The following TSC22D1 variants were observed in gnomAD, a reference collection of about 807,000 sequenced individuals.
The protein encoded by TSC22D1 is TSC22 domain family member 1, also known as TSC22 domain family protein 1.
A neutral mutation model predicts 74.2 loss-of-function variants in TSC22D1; 9 were observed. That is an observed-to-expected ratio of 0.12 (90% CI 0.07 to 0.21). TSC22D1 has a LOEUF of 0.21. Among genes scored for constraint, TSC22D1 ranks in the 10% least tolerant of loss-of-function variants. TSC22D1 has a pLI of 1.00. For missense variants in TSC22D1, 1,427 were observed against 1,304.7 expected (o/e 1.09, Z -1.44); for synonymous variants, 586 against 492.5 (o/e 1.19, Z -2.51).
At chr13:44,469,160 AT>A (rs1223475493) in intron 1 of TSC22D1, among the ~76,000 whole-genome samples, 1 of 152,162 alleles carries the variant, frequency 6.6e-6, no homozygotes, top group Non-Finnish European at 1.5e-5. Context: ...TCTGTTAATG[AT>A]TACAGGGTAC....
chr13:44,544,531 T>A (rs1382327173), intron 1 of TSC22D1, among the ~76,000 whole-genome samples: 3 of 150,270 alleles, frequency 2.0e-5, no homozygotes, highest in Non-Finnish European at 3.0e-5. Context: ...TAAAAAGAAT[T>A]TTTTTTTTAA....
intron 1 of TSC22D1, among the ~76,000 whole-genome samples, chr13:44,488,295 T>A (rs1417985109): frequency 6.6e-6 from 1 of 152,204 alleles, no homozygotes; most frequent in Admixed American, 6.5e-5. Context: ...TGAGATGTGC[T>A]GTAAGTGCAA....
chr13:44,565,383 T>C (rs1219292278), intron 1 of TSC22D1, among the ~76,000 whole-genome samples: 1 of 152,144 alleles, frequency 6.6e-6, no homozygotes, highest in Admixed American at 6.5e-5. Flanking sequence ...AAAGGTCAAC[T>C]AGGCCTAATC....
At chr13:44,551,310 G>GATGTGTGT (rs1555272440) in intron 1 of TSC22D1, among the ~76,000 whole-genome samples, 1 of 132,776 alleles carries the variant, frequency 7.5e-6, no homozygotes, top group Non-Finnish European at 1.6e-5. Flanking sequence ...ATCAGCTGGG[G>GATGTGTGT]GTGTGTGTGT....
chr13:44,517,829 G>GTGTATATATATATA (rs1271183064), intron 1 of TSC22D1, among the ~76,000 whole-genome samples: 5 of 14,128 alleles, frequency 3.5e-4, no homozygotes, highest in South Asian at 3.3e-3. Flanking sequence ...GTGTGTGTGT[G>GTGTATATATATATA]TATATATATA....
intron 1 of TSC22D1, among the ~76,000 whole-genome samples, chr13:44,445,848 CTAAAA>C (rs1875591926): frequency 6.6e-6 from 1 of 152,070 alleles, no homozygotes; most frequent in Non-Finnish European, 1.5e-5. Flanking sequence ...ATCAGAATAG[CTAAAA>C]TATAGTTTAA....
At chr13:44,556,146 C>T (rs1176337212) in intron 1 of TSC22D1, among the ~76,000 whole-genome samples, 1 of 151,740 alleles carries the variant, frequency 6.6e-6, no homozygotes, top group Non-Finnish European at 1.5e-5. Flanking sequence ...CAAAAAAATT[C>T]CAATTGCTTC....
intron 1 of TSC22D1, among the ~76,000 whole-genome samples, chr13:44,525,872 G>A (rs1282524804): frequency 1.3e-5 from 2 of 151,684 alleles, no homozygotes; most frequent in Admixed American, 6.6e-5. Context: ...AGGCTAAGGT[G>A]AGCGGACTGC....
intron 1 of TSC22D1, among the ~76,000 whole-genome samples, chr13:44,491,585 T>C (rs1403959871): frequency 6.6e-6 from 1 of 150,664 alleles, no homozygotes; most frequent in East Asian, 1.9e-4. Flanking sequence ...AAGAAAAGAT[T>C]AGTATCCAGA....
At chr13:44,544,202 T>C (rs1881664978) in intron 1 of TSC22D1, among the ~76,000 whole-genome samples, 1 of 152,166 alleles carries the variant, frequency 6.6e-6, no homozygotes, top group Non-Finnish European at 1.5e-5. Context: ...AAAGGTATTA[T>C]CCTGAGAGAT....
At chr13:44,522,391 C>A (rs2138043895) in intron 1 of TSC22D1, among the ~76,000 whole-genome samples, 1 of 152,230 alleles carries the variant, frequency 6.6e-6, no homozygotes, top group East Asian at 1.9e-4. Flanking sequence ...TTATTTATGC[C>A]TTTAAAATCA....
Position 44,576,104 on chromosome 13 carries a change from C to T in TSC22D1, c.-30G>A. The T allele has an allele frequency of 6.7e-7, 1 of 1,485,254 alleles. No individual in the cohort carries two copies. The highest frequency in any genetic ancestry group is 8.9e-7 in the Non-Finnish European group (1 of 1,124,242). The allele number at this position is 1,485,254 out of a possible 1,614,324, so 92.0% of individuals were successfully genotyped here. The stretch of plus-strand genomic sequence containing the variant: ...TTGGGTACCGGGGGCGCGGAGGAGA[C>T]GAGTGCAATTTCCTTCTGCACCGTA... On this transcript the variant is annotated 5_prime_UTR_variant, in exon 1 of 3. Coordinates refer to ENST00000458659, the MANE Select transcript of TSC22D1 (RefSeq NM_183422.4).
intron 1 of TSC22D1, chr13:44,536,863 T>C: frequency 2.0e-6 from 2 of 979,472 alleles, no homozygotes; most frequent in South Asian, 9.5e-5. Context: ...GATCACCTAT[T>C]TCATACATTC....
At chr13:44,550,310 C>T (rs970445994) in intron 1 of TSC22D1, among the ~76,000 whole-genome samples, 4 of 152,098 alleles carry the variant, frequency 2.6e-5, no homozygotes, top group Non-Finnish European at 5.9e-5. Context: ...CAGCCGGGCA[C>T]GGTGGCTCAT....
chr13:44,438,287 C>A (rs532310774), intron 1 of TSC22D1, among the ~76,000 whole-genome samples: 28 of 152,124 alleles, frequency 1.8e-4, no homozygotes, highest in Non-Finnish European at 3.5e-4. Flanking sequence ...AAAATCTGAC[C>A]GTAGAACATA....
chr13:44,500,447 A>G (rs1410522342), intron 1 of TSC22D1, among the ~76,000 whole-genome samples: 2 of 152,176 alleles, frequency 1.3e-5, no homozygotes, highest in African/African-American at 2.4e-5. Flanking sequence ...CTATATATCT[A>G]TTCCCCCATA....
intron 1 of TSC22D1, among the ~76,000 whole-genome samples, chr13:44,563,119 A>T (rs1023636085): frequency 6.6e-6 from 1 of 152,032 alleles, no homozygotes; most frequent in South Asian, 2.1e-4. Flanking sequence ...AAAAAAAAAA[A>T]TTAAATTGCC....
chr13:44,525,991 C>G (rs1880529942), intron 1 of TSC22D1, among the ~76,000 whole-genome samples: 1 of 151,880 alleles, frequency 6.6e-6, no homozygotes, highest in Non-Finnish European at 1.5e-5. Context: ...AGTCCCAGCT[C>G]CTCACGAGGC....
chr13:44,436,581 G>A (rs1874657686), intron 1 of TSC22D1: 2 of 1,614,050 alleles, frequency 1.2e-6, no homozygotes, highest in Non-Finnish European at 1.7e-6. Context: ...GTCTCAGTTG[G>A]TAAACTCCTA....
Sources: gnomAD v4.1 joint callset for allele counts (sites outside exome capture counted in the v4.1 genomes callset) on GRCh38, gnomAD v4.1.1 for gene constraint, MANE v1.5 for transcripts, NCBI Gene and HGNC (gene_info 2026-07-23, HGNC 2026-07-21) for gene names.